Variants in ABCA4 observed in about 807,000 individuals in gnomAD.
The protein encoded by ABCA4 is ATP binding cassette subfamily A member 4, also known as retinal-specific phospholipid-transporting ATPase ABCA4.
ABCA4 carries 196 observed loss-of-function variants against 263.7 expected under a neutral mutation model. The ratio of observed to expected loss-of-function variants is 0.74; its 90% confidence interval spans 0.66 to 0.84. ABCA4 has a LOEUF of 0.84. Among genes scored for constraint, ABCA4 ranks in the 40% least tolerant of loss-of-function variants. The pLI is 0.00. For synonymous variants in ABCA4, 1,133 were observed against 1,094.2 expected, an observed-to-expected ratio of 1.04 and a Z score of -0.70; for missense variants, 2,792 against 2,855.1, an observed-to-expected ratio of 0.98 and a Z score of 0.50.
intron 26 of ABCA4, among the ~76,000 whole-genome samples, chr1:94,034,631 G>A (rs1480435204): frequency 6.6e-6 from 1 of 151,262 alleles, no homozygotes; most frequent in Non-Finnish European, 1.5e-5. Flanking sequence ...GTGGCTGAGA[G>A]TGTGGCATTG....
chr1:93,993,172 C>T lies in ABCA4; in HGVS notation c.*65G>A. ...GTCCATTTGGATGACCATATGGGCA[C>T]AGGCTCCTGCGCCTCCAGCTGCCCA... On this transcript the variant is annotated 3_prime_UTR_variant, in exon 50 of 50. Coordinates refer to ENST00000370225, the MANE Select transcript of ABCA4 (RefSeq NM_000350.3). The T allele has an allele frequency of 6.2e-7, 1 of 1,611,224 alleles. No individual in the cohort carries two copies. The highest frequency in any genetic ancestry group is 1.7e-5 in the Admixed American group (1 of 59,978).
chr1:94,062,339 T>G (rs1489312214), intron 13 of ABCA4, among the ~76,000 whole-genome samples: 1 of 152,164 alleles, frequency 6.6e-6, no homozygotes, highest in Non-Finnish European at 1.5e-5. Context: ...CCTTCCCTTT[T>G]CCAGCTACAA....
At chr1:94,086,285 TC>T (rs1661823610) in intron 6 of ABCA4, among the ~76,000 whole-genome samples, 1 of 152,226 alleles carries the variant, frequency 6.6e-6, no homozygotes, top group South Asian at 2.1e-4. Flanking sequence ...CATTGCATTT[TC>T]TGTACACTCA....
chr1:94,097,674 A>G (rs1489331929), intron 6 of ABCA4, among the ~76,000 whole-genome samples: 1 of 152,194 alleles, frequency 6.6e-6, no homozygotes, highest in Non-Finnish European at 1.5e-5. Flanking sequence ...GGTTCTTCTG[A>G]ATCACAGTGA....
intron 4 of ABCA4, among the ~76,000 whole-genome samples, chr1:94,105,201 T>C (rs1662398863): frequency 1.3e-5 from 2 of 152,218 alleles, no homozygotes; most frequent in African/African-American, 4.8e-5. Flanking sequence ...TAAATGTCTG[T>C]TGAATGACAT....
At chr1:94,081,415 A>C (rs1446973713) in intron 7 of ABCA4, among the ~76,000 whole-genome samples, 1 of 152,122 alleles carries the variant, frequency 6.6e-6, no homozygotes. Flanking sequence ...TGGGGAGAAA[A>C]AGAGGGAAAT....
chr1:94,063,056 A>G, intron 12 of ABCA4, 56 bp downstream of exon 12: 1 of 1,508,852 alleles, frequency 6.6e-7, no homozygotes, highest in Non-Finnish European at 9.2e-7. Flanking sequence ...CTCTCTACCA[A>G]ATGTAATTTC....
At chr1:94,100,802 A>G (rs1386174038) in intron 5 of ABCA4, among the ~76,000 whole-genome samples, 1 of 152,218 alleles carries the variant, frequency 6.6e-6, no homozygotes, top group African/African-American at 2.4e-5. Context: ...ATGAGTGACA[A>G]CACAGAGGCG....
chr1:94,078,643 C>T lies in ABCA4; in HGVS notation c.1303G>A (p.Gly435Arg), dbSNP rs948132728. 3 of 1,612,048 alleles carry T rather than the reference C, an allele frequency of 1.9e-6. No individual in the cohort carries two copies. The highest frequency in any genetic ancestry group is 2.5e-6 in the Non-Finnish European group (3 of 1,179,002). Residue 435 changes from glycine to arginine, a missense_variant, in exon 10 of 50, where the codon GGG becomes AGG. Gly to Arg is a moderately radical substitution (Grantham distance 125, BLOSUM62 -2). Coordinates refer to ENST00000370225, the MANE Select transcript of ABCA4 (RefSeq NM_000350.3). ...TCAAAGAAGTACCAGATCTGGGGCC[C>T]TACTTCTTCCCAGGCTTTGACCAAC... ...RKLVKAWEEV[G>R]PQIWYFFDNS...
intron 6 of ABCA4, among the ~76,000 whole-genome samples, chr1:94,091,591 AC>A (rs1363027211): frequency 5.4e-4 from 47 of 87,804 alleles, no homozygotes; most frequent in Non-Finnish European, 9.2e-4. Context: ...ACACACACAC[AC>A]ACACACACAC....
intron 17 of ABCA4, among the ~76,000 whole-genome samples, chr1:94,049,657 G>A (rs912077607): frequency 1.3e-5 from 2 of 152,076 alleles, no homozygotes; most frequent in African/African-American, 4.8e-5. Context: ...TCTATTCAAA[G>A]TGCTATGACG....
At chr1:94,110,185 G>C (rs564785213) in intron 3 of ABCA4, among the ~76,000 whole-genome samples, 1 of 152,346 alleles carries the variant, frequency 6.6e-6, no homozygotes, top group South Asian at 2.1e-4. Context: ...CCACTTCCTT[G>C]ACTTTGCTAG....
In ABCA4 at chr1:94,030,674, T is replaced by C. The variant is rs1046156093; in HGVS notation, c.4254-148A>G. ...GGGATGGCGCTAGCTCTCCTGGGAG[T>C]GCGGTAGGCTGCCTGAACACTCGCA... On this transcript the variant is annotated intron_variant, in intron 28 of 49. Coordinates refer to ENST00000370225, the MANE Select transcript of ABCA4 (RefSeq NM_000350.3). 4.8e-6 allele frequency: 4 copies of C among 835,802 alleles called. No homozygotes were observed. In the African/African-American group the frequency reaches 6.6e-5, roughly 14 times the overall value. 51.8% of individuals were successfully genotyped at this position (835,802 alleles called of 1,614,324 possible). A position where few individuals can be genotyped will look rare whatever the true frequency, so the allele number is the denominator to read the frequency against.
At chr1:94,006,583 G>C (rs908880815) in intron 43 of ABCA4, among the ~76,000 whole-genome samples, 1 of 152,184 alleles carries the variant, frequency 6.6e-6, no homozygotes, top group Non-Finnish European at 1.5e-5. Context: ...GTGGTCACTT[G>C]CAGGTGAAGC....
chr1:94,068,090 T>A (rs1042104383), intron 11 of ABCA4, among the ~76,000 whole-genome samples: 1 of 152,160 alleles, frequency 6.6e-6, no homozygotes. Flanking sequence ...TGGGAACATA[T>A]CCCATCCTGA....
chr1:94,076,267 G>A (rs1168982514), intron 11 of ABCA4, among the ~76,000 whole-genome samples: 4 of 152,114 alleles, frequency 2.6e-5, no homozygotes, highest in African/African-American at 9.7e-5. Flanking sequence ...TTCTGCTATG[G>A]GAAAGGGATT....
At chr1:93,997,816 T>C (rs767554473) in intron 48 of ABCA4, 45 bp downstream of exon 48, 1 of 1,612,990 alleles carries the variant, frequency 6.2e-7, no homozygotes, top group Non-Finnish European at 8.5e-7. Context: ...CTGGGTGTTC[T>C]GGACCAGTCT....
At chr1:94,013,643 C>T (rs1456866412) in intron 38 of ABCA4, among the ~76,000 whole-genome samples, 1 of 148,816 alleles carries the variant, frequency 6.7e-6, no homozygotes, top group Non-Finnish European at 1.5e-5. Flanking sequence ...CAGCGACTGC[C>T]TTCTTTTTTT....
At chr1:94,115,488 G>C (rs1269341183) in intron 1 of ABCA4, among the ~76,000 whole-genome samples, 2 of 152,090 alleles carry the variant, frequency 1.3e-5, no homozygotes, top group East Asian at 3.9e-4. Flanking sequence ...GTACACTCAG[G>C]GTTAAGAGAA....
Sources: gnomAD v4.1 joint callset for allele counts (sites outside exome capture counted in the v4.1 genomes callset) on GRCh38, gnomAD v4.1.1 for gene constraint, MANE v1.5 for transcripts, NCBI Gene and HGNC (gene_info 2026-07-23, HGNC 2026-07-21) for gene names.